The following IKZF1 variants were observed in gnomAD, a reference collection of about 807,000 sequenced individuals.
IKZF1 encodes IKAROS family zinc finger 1, also known as DNA-binding protein Ikaros.
Under a neutral mutation model 51.7 loss-of-function variants are expected in IKZF1, and 10 were observed. That is an observed-to-expected ratio of 0.19 (90% confidence interval 0.12 to 0.33). IKZF1 has a LOEUF of 0.33. IKZF1 is among the 10% of genes least tolerant of loss of function. The pLI, the probability that IKZF1 is intolerant of heterozygous loss-of-function variation, is 1.00. For missense variants in IKZF1, 484 were observed against 707.5 expected (o/e 0.68, Z 3.58); for synonymous variants, 280 against 282.3 (o/e 0.99, Z 0.08).
chr7:50,397,742 T>C (rs774913131), intron 7 of IKZF1, among the ~76,000 whole-genome samples: 2 of 152,234 alleles, frequency 1.3e-5, no homozygotes, highest in Non-Finnish European at 1.5e-5. Flanking sequence ...AGCAGTGCTA[T>C]ACAATTACTT....
chr7:50,368,855 C>T (rs139912858), intron 3 of IKZF1: 90 of 221,610 alleles, frequency 4.1e-4, no homozygotes, highest in African/African-American at 1.5e-3. Flanking sequence ...GAAAACAGGT[C>T]GCATTTGTTA....
At chr7:50,346,174 T>C (rs748628480) in intron 3 of IKZF1, among the ~76,000 whole-genome samples, 1 of 152,216 alleles carries the variant, frequency 6.6e-6, no homozygotes, top group African/African-American at 2.4e-5. Context: ...AACAATGTTA[T>C]GTTGCTGCTG....
chr7:50,389,354 G>A (rs1047178105), intron 6 of IKZF1, among the ~76,000 whole-genome samples: 1 of 152,078 alleles, frequency 6.6e-6, no homozygotes, highest in African/African-American at 2.4e-5. Flanking sequence ...TGGTCTCTAT[G>A]TCAGTAAGGC....
rs1311776955 is a variant in IKZF1, at chr7:50,325,896, T to C, written c.41-1742T>C. ...GTCTCTCTGGCCTTTTGTTTTTCCTTGGGAAATTCTTATAATCCTGCTCCG... is the reference window on the plus strand; with the variant it reads ...GTCTCTCTGGCCTTTTGTTTTTCCTCGGGAAATTCTTATAATCCTGCTCCG... On this transcript the variant is annotated intron_variant, in intron 2 of 7. Transcript: ENST00000331340. Among the ~76,000 whole-genome samples the C allele has an allele frequency of 3.3e-5, 5 of 152,376 alleles. No homozygotes were observed. The East Asian group carries it at 9.6e-4, about 29-fold the overall frequency.
At chr7:50,345,957 A>C (rs905973403) in intron 3 of IKZF1, among the ~76,000 whole-genome samples, 2 of 152,210 alleles carry the variant, frequency 1.3e-5, no homozygotes, top group Non-Finnish European at 2.9e-5. Context: ...ATACTTCATG[A>C]AAATATTTAG....
intron 3 of IKZF1, among the ~76,000 whole-genome samples, chr7:50,333,921 C>A (rs1392555312): frequency 2.6e-5 from 4 of 152,252 alleles, no homozygotes; most frequent in Non-Finnish European, 5.9e-5. Flanking sequence ...CAGATGATCC[C>A]GGTTGGAAAG....
At chr7:50,313,756 A>C (rs1790767379) in intron 1 of IKZF1, among the ~76,000 whole-genome samples, 1 of 152,236 alleles carries the variant, frequency 6.6e-6, no homozygotes, top group Non-Finnish European at 1.5e-5. Context: ...GGGAGAGTTA[A>C]AGACACATTT....
chr7:50,318,599 G>A (rs551436469), intron 1 of IKZF1: 126 of 217,366 alleles, frequency 5.8e-4, no homozygotes, highest in Non-Finnish European at 7.8e-4. Context: ...AAATTGCTTC[G>A]TTTTTTGATT....
chr7:50,364,794 C>T (rs914492551), intron 3 of IKZF1, among the ~76,000 whole-genome samples: 1 of 152,218 alleles, frequency 6.6e-6, no homozygotes, highest in Non-Finnish European at 1.5e-5. Context: ...TGTGCATACT[C>T]ACCTGCTCTG....
chr7:50,395,741 A>C (rs1816529360), intron 7 of IKZF1, among the ~76,000 whole-genome samples: 1 of 152,198 alleles, frequency 6.6e-6, no homozygotes, highest in Non-Finnish European at 1.5e-5. Context: ...ACATTCAAGC[A>C]ACTTTTTTAA....
At chr7:50,358,302 A>T (rs1400942173) in intron 3 of IKZF1, among the ~76,000 whole-genome samples, 1 of 152,238 alleles carries the variant, frequency 6.6e-6, no homozygotes, top group African/African-American at 2.4e-5. Flanking sequence ...GATATCTACT[A>T]GGAAAAAACA....
At chr7:50,345,199 C>G (rs990481335) in intron 3 of IKZF1, among the ~76,000 whole-genome samples, 2 of 152,090 alleles carry the variant, frequency 1.3e-5, no homozygotes, top group Non-Finnish European at 2.9e-5. Context: ...GTACATCCCA[C>G]AGTGAATTAC....
chr7:50,320,673 G>C (rs34484271), intron 2 of IKZF1, among the ~76,000 whole-genome samples: 2,932 of 152,274 alleles, frequency 0.019, 51 homozygotes, highest in East Asian at 0.042. Flanking sequence ...ACATGTGAGT[G>C]AGAACATGTG....
At chr7:50,378,436 C>T (rs1810928481) in intron 4 of IKZF1, among the ~76,000 whole-genome samples, 4 of 152,168 alleles carry the variant, frequency 2.6e-5, no homozygotes, top group Admixed American at 2.0e-4. Flanking sequence ...AGACACTTAA[C>T]AGGATACTCG....
At chr7:50,320,390 A>G (rs1486825931) in intron 2 of IKZF1, among the ~76,000 whole-genome samples, 2 of 152,188 alleles carry the variant, frequency 1.3e-5, no homozygotes, top group Non-Finnish European at 2.9e-5. Flanking sequence ...GGATCAGGTA[A>G]ATCAGCATAT....
At position 50,344,553 on chromosome 7, in the gene IKZF1, A is replaced by G. The variant is rs1799870937; in HGVS notation, c.160+16796A>G. On this transcript the variant is annotated intron_variant, in intron 3 of 7. Coordinates refer to ENST00000331340, the MANE Select transcript of IKZF1 (RefSeq NM_006060.6). ...AGTTCATCTGAGCACATCTAGAATT[A>G]TTCCACTCCTCTGCATCAGTGCTAA... Among the ~76,000 whole-genome samples, 3 of 152,340 alleles carry G rather than the reference A, an allele frequency of 2.0e-5. No individual in the cohort carries two copies. In the East Asian group the frequency reaches 5.8e-4, roughly 29 times the overall value.
intron 5 of IKZF1, among the ~76,000 whole-genome samples, chr7:50,384,877 A>G (rs1812917414): frequency 6.6e-6 from 1 of 152,254 alleles, no homozygotes; most frequent in African/African-American, 2.4e-5. Flanking sequence ...CACCAACCAT[A>G]GGTCATCATC....
At chr7:50,396,973 C>T (rs556501543) in intron 7 of IKZF1, among the ~76,000 whole-genome samples, 8 of 152,232 alleles carry the variant, frequency 5.3e-5, no homozygotes, top group Non-Finnish European at 1.2e-4. Flanking sequence ...CGCAGGGGCT[C>T]ACTTCTCCAT....
At chr7:50,393,923 A>C in intron 7 of IKZF1, 1 of 232,482 alleles carries the variant, frequency 4.3e-6, no homozygotes, top group Non-Finnish European at 8.5e-6. Context: ...AGCCTGGAGA[A>C]TGCTTTGGTG....
Sources: allele counts gnomAD v4.1 joint callset (sites outside exome capture counted in the v4.1 genomes callset), GRCh38; gene constraint gnomAD v4.1.1; transcripts MANE v1.5; gene names NCBI Gene and HGNC (gene_info 2026-07-23, HGNC 2026-07-21).